Variants in CDK19 observed in about 807,000 individuals in gnomAD.
CDK19 encodes the protein cyclin-dependent kinase 19.
CDK19 carries 20 observed loss-of-function variants against 68.3 expected under a neutral mutation model. The ratio of observed to expected loss-of-function variants is 0.29; its 90% confidence interval spans 0.21 to 0.43. CDK19 has a LOEUF of 0.43. Among genes scored for constraint, CDK19 ranks in the 20% least tolerant of loss-of-function variants. The pLI, the probability that CDK19 is intolerant of heterozygous loss-of-function variation, is 1.00. For synonymous variants in CDK19, 221 were observed against 222.8 expected (o/e 0.99, Z 0.07); for missense variants, 339 against 623.5 (o/e 0.54, Z 4.86).
At chr6:110,620,992 A>C (rs1778674558) in intron 12 of CDK19, 112 bp downstream of exon 12, 1 of 973,516 alleles carries the variant, frequency 1.0e-6, no homozygotes, top group South Asian at 1.8e-5. Flanking sequence ...CCCTAGAAAC[A>C]GGATTGCACA....
At chr6:110,640,111 C>T (rs147672740) in intron 4 of CDK19, among the ~76,000 whole-genome samples, 11 of 151,862 alleles carry the variant, frequency 7.2e-5, no homozygotes, top group African/African-American at 2.7e-4. Flanking sequence ...GTCCCTGCTA[C>T]TCAGGAGGCT....
intron 2 of CDK19, among the ~76,000 whole-genome samples, chr6:110,712,450 A>G (rs1178284693): frequency 3.3e-5 from 5 of 152,240 alleles, no homozygotes; most frequent in African/African-American, 1.2e-4. Flanking sequence ...TCAGCATTAA[A>G]TAATGTTTGA....
intron 4 of CDK19, among the ~76,000 whole-genome samples, chr6:110,654,714 G>A (rs1226589473): frequency 2.0e-5 from 3 of 152,236 alleles, no homozygotes; most frequent in African/African-American, 4.8e-5. Flanking sequence ...GCCAAGGCGG[G>A]CAGATGACCT....
intron 12 of CDK19, among the ~76,000 whole-genome samples, chr6:110,620,198 T>C (rs1055363918): frequency 6.6e-6 from 1 of 152,128 alleles, no homozygotes; most frequent in Non-Finnish European, 1.5e-5. Flanking sequence ...TGTTGAGCTA[T>C]TCAAAATGTG....
chr6:110,733,708 C>T (rs964142323), intron 2 of CDK19, among the ~76,000 whole-genome samples: 1 of 151,618 alleles, frequency 6.6e-6, no homozygotes, highest in Non-Finnish European at 1.5e-5. Context: ...ATATATATCG[C>T]TAAAACACAA....
chr6:110,722,233 A>G (rs913232610), intron 2 of CDK19: 1 of 152,100 alleles, frequency 6.6e-6, no homozygotes. Flanking sequence ...GAGTTTTTAA[A>G]TTTTTATTAT....
At chr6:110,616,487 G>C (rs1778318489) in intron 12 of CDK19, among the ~76,000 whole-genome samples, 2 of 152,016 alleles carry the variant, frequency 1.3e-5, no homozygotes, top group African/African-American at 4.8e-5. Context: ...GGCCAACATG[G>C]TGAAACCCCA....
chr6:110,645,612 C>G (rs1020222558), intron 4 of CDK19: 3 of 248,414 alleles, frequency 1.2e-5, no homozygotes, highest in South Asian at 1.0e-4. Context: ...ACATCATCCT[C>G]GGTCCCTCGG....
rs1051008910 is a variant in CDK19, at chr6:110,621,298, C to CCTGTGGAGGGGCTGCTGCCTG, written c.1162_1182dup (p.Gln388_Gln394dup). ...GTGCTGTTCTGCTGTGGTGGGGGCG[C>CCTGTGGAGGGGCTGCTGCCTG]CTGTGGAGGGGCTGCTGCCTGCTGT... On this transcript the variant is annotated inframe_insertion, in exon 12 of 13. Transcript: ENST00000368911. This position sits in a 1 kb window ranked among gnomAD's most constrained non-coding sequence, Gnocchi z 5.4. 1 of 1,609,104 alleles carries CCTGTGGAGGGGCTGCTGCCTG rather than the reference C, an allele frequency of 6.2e-7. No individual in the cohort carries two copies. Among genetic ancestry groups the CCTGTGGAGGGGCTGCTGCCTG allele is most frequent in the Non-Finnish European group, 8.5e-7 (1 of 1,177,174 alleles).
chr6:110,714,980 T>C (rs1775260515), intron 2 of CDK19, among the ~76,000 whole-genome samples: 1 of 152,134 alleles, frequency 6.6e-6, no homozygotes, highest in South Asian at 2.1e-4. Context: ...GTTGTCTGCC[T>C]GCCTCGGCCT....
At position 110,797,869 on chromosome 6, in the gene CDK19, C is replaced by G. The variant is rs140385843; in HGVS notation, c.128+17140G>C. The stretch of plus-strand genomic sequence containing the variant: ...GTGTGGTAGTGCATGCCTGTAATCC[C>G]AGCTAGTCGGGAGGCTGAGGCAGGA... On this transcript the variant is annotated intron_variant, in intron 1 of 12. Transcript: ENST00000368911. Among the ~76,000 whole-genome samples the G allele has an allele frequency of 8.8e-4, 133 of 151,822 alleles. 1 individual carries two copies. Among genetic ancestry groups the G allele is most frequent in the African/African-American group, 3.1e-3 (128 of 41,382 alleles).
rs1055510087 is a variant in CDK19 at position 110,719,912 on chromosome 6, G to C, written c.204+26214C>G. ...TGTCCAGCTAATTTTTGTATTTTTA[G>C]TAGAGACGGCGTTTCACCATGTTGG... is the stretch of plus-strand genomic sequence containing the variant. On this transcript the variant is annotated intron_variant, in intron 2 of 12. Coordinates refer to ENST00000368911, the MANE Select transcript of CDK19 (RefSeq NM_015076.5). 2.0e-5 allele frequency among the ~76,000 whole-genome samples: 3 copies of C among 149,348 alleles called. No individual in the cohort carries two copies. The South Asian group carries it at 6.4e-4, about 32-fold the overall frequency.
chr6:110,685,125 G>GA, intron 2 of CDK19, among the ~76,000 whole-genome samples: 1 of 152,084 alleles, frequency 6.6e-6, no homozygotes, highest in South Asian at 2.1e-4. Flanking sequence ...GCGACACAGC[G>GA]AAACTCTGTC....
chr6:110,646,788 T>C (rs964806601), intron 4 of CDK19, among the ~76,000 whole-genome samples: 1 of 152,062 alleles, frequency 6.6e-6, no homozygotes. Flanking sequence ...TGACTCATCG[T>C]GGGGTGGCGG....
At chr6:110,724,214 C>T (rs28602220) in intron 2 of CDK19, among the ~76,000 whole-genome samples, 23,749 of 151,892 alleles carry the variant, frequency 0.16, 2,067 homozygotes, top group East Asian at 0.32. Context: ...ATTAGCCAGG[C>T]GTGGTGGCGC....
At chr6:110,636,600 T>C (rs879862133) in intron 5 of CDK19, among the ~76,000 whole-genome samples, 17 of 152,134 alleles carry the variant, frequency 1.1e-4, no homozygotes, top group Admixed American at 2.6e-4. Flanking sequence ...TTTGGTAAAG[T>C]AGAGGTCACA....
chr6:110,660,865 T>C (rs1481557973), intron 4 of CDK19, among the ~76,000 whole-genome samples: 4 of 152,208 alleles, frequency 2.6e-5, no homozygotes, highest in Non-Finnish European at 5.9e-5. Flanking sequence ...AAAACAGGGA[T>C]GTAAGTTCTC....
Position 110,815,424 on chromosome 6 carries a change from T to G in CDK19, c.-288A>C. On this transcript the variant is annotated 5_prime_UTR_variant, in exon 1 of 13. Coordinates refer to ENST00000368911, the MANE Select transcript of CDK19 (RefSeq NM_015076.5). The stretch of plus-strand genomic sequence containing the variant: ...TCCTTCATTTCCTTGTTTTGGAACC[T>G]GGTGGGCCGCGCCGTGGCTTCCTCG... The G allele has an allele frequency of 3.7e-6, 1 of 272,766 alleles. No individual in the cohort carries two copies. The highest frequency in any genetic ancestry group is 6.8e-6 in the Non-Finnish European group (1 of 146,892). 16.9% of individuals were successfully genotyped at this position (272,766 alleles called of 1,614,324 possible).
intron 2 of CDK19, among the ~76,000 whole-genome samples, chr6:110,744,011 G>GTTTTTTTTT (rs5879078): frequency 8.8e-6 from 1 of 113,358 alleles, no homozygotes; most frequent in East Asian, 2.8e-4. Context: ...ACCTCCCCAC[G>GTTTTTTTTT]TTTTTTTTTT....
Sources: allele counts gnomAD v4.1 joint callset (sites outside exome capture counted in the v4.1 genomes callset), GRCh38; gene constraint gnomAD v4.1.1; non-coding constraint Gnocchi (gnomAD v3.1); transcripts MANE v1.5; gene names NCBI Gene and HGNC (gene_info 2026-07-23, HGNC 2026-07-21).